The following RANBP17 variants were observed in gnomAD, a reference collection of about 807,000 sequenced individuals.
The protein encoded by RANBP17 is RAN binding protein 17.
A neutral mutation model predicts 141.2 loss-of-function variants in RANBP17; 158 were observed. The ratio of observed to expected loss-of-function variants is 1.12; its 90% CI spans 0.98 to 1.28. The LOEUF (loss-of-function observed/expected upper bound fraction) is 1.28, where lower values mean the gene tolerates loss of function less well. Ranked by LOEUF, RANBP17 falls within the 50% of genes most tolerant of loss-of-function variation. The pLI is 0.00. For missense variants in RANBP17, 1,438 were observed against 1,290.7 expected, an observed-to-expected ratio of 1.11 and a Z score of -1.75; for synonymous variants, 430 against 450.0, an observed-to-expected ratio of 0.96 and a Z score of 0.56.
At chr5:171,116,897 G>A (rs532271833) in intron 14 of RANBP17, among the ~76,000 whole-genome samples, 6 of 152,198 alleles carry the variant, frequency 3.9e-5, no homozygotes, top group South Asian at 2.1e-4. Flanking sequence ...GCCTCCACAT[G>A]TGAGTGAGAA....
At chr5:170,927,314 A>G (rs1201096341) in intron 12 of RANBP17, among the ~76,000 whole-genome samples, 2 of 152,084 alleles carry the variant, frequency 1.3e-5, no homozygotes, top group African/African-American at 4.8e-5. Context: ...ACATGTGCAG[A>G]ATGTGCAGGT....
rs532716393 is a variant in RANBP17 at position 170,909,664 on chromosome 5, G to C, written c.493G>C (p.Asp165His). The C allele has an allele frequency of 5.0e-6, 7 of 1,408,464 alleles. No individual in the cohort carries two copies. The African/African-American group carries it at 1.1e-4, about 22-fold the overall frequency. 87.2% of individuals were successfully genotyped at this position (1,408,464 alleles called of 1,614,324 possible). The change falls in exon 6 of 28, where the codon GAT (aspartate) becomes CAT (histidine). Residue 165 changes from aspartate (D) to histidine (H), a missense_variant. Coordinates refer to ENST00000523189, the MANE Select transcript of RANBP17 (RefSeq NM_022897.5). ...SELTQEMNLV[D>H]YSRPSAKHRK... Reference sequence around the variant, plus strand: ...AATTTCATCTTTATCTTTTTAGGTTGATTATTCTAGACCTTCAGCAAAACA... The same window carrying C: ...AATTTCATCTTTATCTTTTTAGGTTCATTATTCTAGACCTTCAGCAAAACA...
intron 25 of RANBP17, among the ~76,000 whole-genome samples, chr5:171,293,534 G>A (rs1264976713): frequency 1.3e-5 from 2 of 152,214 alleles, no homozygotes; most frequent in African/African-American, 2.4e-5. Context: ...CAGACAGGAA[G>A]GTGAGCTGAG....
At chr5:170,985,597 T>C (rs1339261311) in intron 14 of RANBP17, among the ~76,000 whole-genome samples, 2 of 152,182 alleles carry the variant, frequency 1.3e-5, no homozygotes, top group Admixed American at 6.6e-5. Flanking sequence ...TGTATCTCTT[T>C]TGTTCATCAC....
chr5:171,063,442 C>G (rs1010801780), intron 14 of RANBP17, among the ~76,000 whole-genome samples: 2 of 152,208 alleles, frequency 1.3e-5, no homozygotes, highest in African/African-American at 4.8e-5. Context: ...CCCTGCTTGC[C>G]TGGGTATCAG....
chr5:171,226,463 G>A (rs1196853472), intron 22 of RANBP17, among the ~76,000 whole-genome samples: 1 of 152,162 alleles, frequency 6.6e-6, no homozygotes, highest in African/African-American at 2.4e-5. Context: ...ATTATTCACT[G>A]TCATAAGAAT....
intron 14 of RANBP17, among the ~76,000 whole-genome samples, chr5:170,989,643 T>TA (rs1310492929): frequency 2.0e-5 from 3 of 151,810 alleles, no homozygotes; most frequent in Non-Finnish European, 4.4e-5. Context: ...GGAGAATAGA[T>TA]ACGTTTAGCC....
intron 14 of RANBP17, among the ~76,000 whole-genome samples, chr5:171,090,073 G>A (rs554186643): frequency 3.9e-5 from 6 of 152,210 alleles, no homozygotes; most frequent in Non-Finnish European, 7.3e-5. Flanking sequence ...AAATATGGAA[G>A]CAACTTTGCA....
At chr5:171,021,024 A>G (rs1045951058) in intron 14 of RANBP17, among the ~76,000 whole-genome samples, 1 of 152,112 alleles carries the variant, frequency 6.6e-6, no homozygotes, top group Non-Finnish European at 1.5e-5. Context: ...TTTCTCCTTC[A>G]CTTATGAAGC....
intron 14 of RANBP17, among the ~76,000 whole-genome samples, chr5:171,073,008 G>A (rs1316553888): frequency 6.6e-6 from 1 of 152,022 alleles, no homozygotes; most frequent in African/African-American, 2.4e-5. Flanking sequence ...TACCGGAAAA[G>A]GCAGCTAATA....
intron 25 of RANBP17, among the ~76,000 whole-genome samples, chr5:171,293,476 G>A (rs1480822455): frequency 6.6e-6 from 1 of 152,206 alleles, no homozygotes; most frequent in African/African-American, 2.4e-5. Flanking sequence ...AGGGGCCATG[G>A]AGAGATTTCA....
intron 18 of RANBP17, among the ~76,000 whole-genome samples, 191 bp from the exon 19 acceptor site, chr5:171,199,479 C>T (rs1405257426): frequency 1.3e-5 from 2 of 152,064 alleles, no homozygotes; most frequent in African/African-American, 4.8e-5. Flanking sequence ...TTTGCTATTT[C>T]ATTTGATGCA....
chr5:171,144,119 TC>T (rs2127817305), intron 14 of RANBP17, among the ~76,000 whole-genome samples: 1 of 152,216 alleles, frequency 6.6e-6, no homozygotes, highest in East Asian at 1.9e-4. Context: ...TTTCAACACT[TC>T]GGGAGGCCAA....
At chr5:171,120,306 C>T (rs1327438752) in intron 14 of RANBP17, among the ~76,000 whole-genome samples, 1 of 152,162 alleles carries the variant, frequency 6.6e-6, no homozygotes, top group Non-Finnish European at 1.5e-5. Context: ...CCCTTCTTTT[C>T]AGGGCAGAGA....
chr5:171,121,148 G>A (rs181022518), intron 14 of RANBP17, among the ~76,000 whole-genome samples: 1 of 152,356 alleles, frequency 6.6e-6, no homozygotes, highest in Admixed American at 6.5e-5. Context: ...TGCCAACTTG[G>A]AGCTGGTGTT....
At chr5:171,002,199 T>G (rs149297166) in intron 14 of RANBP17, among the ~76,000 whole-genome samples, 2,025 of 152,098 alleles carry the variant, frequency 0.013, 45 homozygotes, top group African/African-American at 0.043. Flanking sequence ...AATGGGCCTG[T>G]GAGGCTGGAA....
intron 14 of RANBP17, among the ~76,000 whole-genome samples, chr5:171,165,491 A>G (rs1262936362): frequency 6.6e-6 from 1 of 152,050 alleles, no homozygotes; most frequent in Non-Finnish European, 1.5e-5. Flanking sequence ...AGTAGGTATT[A>G]TTATTATTAT....
In RANBP17 at chr5:170,936,576, C is replaced by G. The variant is rs573246513; in HGVS notation, c.1468+12026C>G. Among the ~76,000 whole-genome samples, 15 of 151,912 alleles carry G rather than the reference C, an allele frequency of 9.9e-5. 1 individual carries two copies. The stretch of plus-strand genomic sequence containing the variant: ...TTACTGATTTTTAAATTTTACCTAC[C>G]TTGGTCAAGTATCATTTTGTGTGAT... On this transcript the variant is annotated intron_variant, in intron 12 of 27. Coordinates refer to ENST00000523189, the MANE Select transcript of RANBP17 (RefSeq NM_022897.5).
In RANBP17 at chr5:171,072,316, G is replaced by A. The variant is rs186344941; in HGVS notation, c.1711-97814G>A. On this transcript the variant is annotated intron_variant, in intron 14 of 27. Transcript: ENST00000523189. ...CTACTGACACCTTAATTTTAGGCCA[G>A]GGAGATGTCTGACAAATTTCTAACA... is the stretch of plus-strand genomic sequence containing the variant. Among the ~76,000 whole-genome samples the A allele has an allele frequency of 4.5e-3, 684 of 152,162 alleles. 20 individuals carry two copies. Among genetic ancestry groups the A allele is most frequent in the Admixed American group, 0.04 (617 of 15,254 alleles).
Sources: allele counts gnomAD v4.1 joint callset (sites outside exome capture counted in the v4.1 genomes callset), GRCh38; gene constraint gnomAD v4.1.1; transcripts MANE v1.5; gene names NCBI Gene and HGNC (gene_info 2026-07-23, HGNC 2026-07-21).